The following KIRREL3 variants were observed in gnomAD, a reference collection of about 807,000 sequenced individuals.
The protein encoded by KIRREL3 is kin of IRRE-like protein 3.
In KIRREL3, 36 loss-of-function variants were observed where a neutral mutation model predicts 89.7. The ratio of observed to expected loss-of-function variants is 0.40; its 90% CI spans 0.31 to 0.53. KIRREL3 has a LOEUF of 0.53. KIRREL3 is among the 20% of genes least tolerant of loss of function. KIRREL3 has a pLI of 0.49. For missense variants in KIRREL3, 864 were observed against 1,056.6 expected (o/e 0.82, Z 2.53); for synonymous variants, 445 against 441.4 (o/e 1.01, Z -0.10).
rs1943635527 is a variant in KIRREL3, at chr11:126,623,017, T to C, written c.56-60105A>G. Among the ~76,000 whole-genome samples, 1 of 152,198 alleles carries C rather than the reference T, an allele frequency of 6.6e-6. No homozygotes were observed. The highest frequency in any genetic ancestry group is 1.5e-5 in the Non-Finnish European group (1 of 68,040). On this transcript the variant is annotated intron_variant, in intron 1 of 16. Transcript: ENST00000525144. This position sits in a 1 kb window ranked among gnomAD's most constrained non-coding sequence, Gnocchi z 4.1. ...AATTCAAACCCAGGCAATCTGATGC[T>C]CAGAACCTAGACTCTTAATTACACT...
intron 1 of KIRREL3, among the ~76,000 whole-genome samples, chr11:126,949,646 G>A (rs76974460): frequency 0.073 from 11,096 of 152,290 alleles, 556 homozygotes; most frequent in Middle Eastern, 0.18. Context: ...AGACAAATCG[G>A]AATCCTCTTC....
chr11:126,952,086 A>G (rs915868424), intron 1 of KIRREL3, among the ~76,000 whole-genome samples: 1 of 152,238 alleles, frequency 6.6e-6, no homozygotes, highest in African/African-American at 2.4e-5. Flanking sequence ...ATGAGGGCTT[A>G]AGAATAAATA....
At chr11:126,543,972 G>C (rs1024686242) in intron 2 of KIRREL3, 4 of 152,640 alleles carry the variant, frequency 2.6e-5, no homozygotes, top group African/African-American at 9.6e-5. Context: ...GGACCAGCCG[G>C]TACCTGCTAG....
At position 126,475,201 on chromosome 11, in the gene KIRREL3, G is replaced by C. The variant is rs76672855; in HGVS notation, c.434-1735C>G. 2.6e-5 allele frequency among the ~76,000 whole-genome samples: 4 copies of C among 152,322 alleles called. No individual in the cohort carries two copies. In the East Asian group the frequency reaches 7.7e-4, roughly 29 times the overall value. ...CTTCTATGCAGGCTCTGTGCTCGGGGCTCTGGGCTGGAGAAGTTCAGAGCT... is the reference window on the plus strand; with the variant it reads ...CTTCTATGCAGGCTCTGTGCTCGGGCCTCTGGGCTGGAGAAGTTCAGAGCT... On this transcript the variant is annotated intron_variant, in intron 4 of 16. Transcript: ENST00000525144. This position sits in a 1 kb window ranked among gnomAD's most constrained non-coding sequence, Gnocchi z 7.5.
chr11:126,791,196 G>A lies in KIRREL3; in HGVS notation c.55+209259C>T, dbSNP rs1472993777. Among the ~76,000 whole-genome samples the A allele has an allele frequency of 6.6e-6, 1 of 152,178 alleles. No individual in the cohort carries two copies. The highest frequency in any genetic ancestry group is 1.5e-5 in the Non-Finnish European group (1 of 68,026). ...CTTCAGAAGAAAAGTCTGTGTTTAGGAAACCTCTTATTGAGGAAAGAGTAC... is the reference window on the plus strand; with the variant it reads ...CTTCAGAAGAAAAGTCTGTGTTTAGAAAACCTCTTATTGAGGAAAGAGTAC... On this transcript the variant is annotated intron_variant, in intron 1 of 16. Transcript: ENST00000525144. This position sits in a 1 kb window ranked among gnomAD's most constrained non-coding sequence, Gnocchi z 4.8.
At position 126,769,486 on chromosome 11, in the gene KIRREL3, G is replaced by C. The variant is rs529307336; in HGVS notation, c.56-206574C>G. 2.6e-5 allele frequency among the ~76,000 whole-genome samples: 4 copies of C among 152,246 alleles called. No individual in the cohort carries two copies. Among genetic ancestry groups the C allele is most frequent in the South Asian group, 2.1e-4 (1 of 4,820 alleles). The stretch of plus-strand genomic sequence containing the variant: ...CTCCCCGTGAAAACCGTGCACTCCT[G>C]TCTTCTCTCTAACAGTTAATGAGAA... On this transcript the variant is annotated intron_variant, in intron 1 of 16. Coordinates refer to ENST00000525144, the MANE Select transcript of KIRREL3 (RefSeq NM_032531.4). This position sits in a 1 kb window ranked among gnomAD's most constrained non-coding sequence, Gnocchi z 4.3.
rs921105252 is a variant in KIRREL3, at chr11:126,817,057, C to T, written c.55+183398G>A. ...ATAGAGCTAAGGTAAAGAGCATGTA[C>T]TTGTAGGCTTGCAGGGAGAAAAATA... On this transcript the variant is annotated intron_variant, in intron 1 of 16. Transcript: ENST00000525144. This position sits in a 1 kb window ranked among gnomAD's most constrained non-coding sequence, Gnocchi z 5.7. 6.6e-6 allele frequency among the ~76,000 whole-genome samples: 1 copy of T among 152,120 alleles called. No homozygotes were observed. The highest frequency in any genetic ancestry group is 2.4e-5 in the African/African-American group (1 of 41,428).
chr11:126,613,755 T>C (rs1007509096), intron 1 of KIRREL3, among the ~76,000 whole-genome samples: 1 of 152,146 alleles, frequency 6.6e-6, no homozygotes, highest in African/African-American at 2.4e-5. Flanking sequence ...TCGATGTGCA[T>C]TTATTAAAAT....
intron 1 of KIRREL3, among the ~76,000 whole-genome samples, chr11:126,648,896 G>T (rs1478915865): frequency 1.3e-5 from 2 of 152,184 alleles, no homozygotes; most frequent in Non-Finnish European, 2.9e-5. Flanking sequence ...GGTGTGTCAT[G>T]TTGGAAAATG....
intron 1 of KIRREL3, among the ~76,000 whole-genome samples, chr11:126,975,378 G>T (rs1217549566): frequency 6.6e-6 from 1 of 152,140 alleles, no homozygotes; most frequent in Non-Finnish European, 1.5e-5. Flanking sequence ...TGTTCACAAA[G>T]CTTTCATTCT....
rs1238700583 is a variant in KIRREL3 at position 126,844,590 on chromosome 11, C to T, written c.55+155865G>A. The stretch of plus-strand genomic sequence containing the variant: ...GGCTCCTCTCCATAAAAGGCAAGGA[C>T]ACTTGACCGAACTTGAGTTTGAGGC... On this transcript the variant is annotated intron_variant, in intron 1 of 16. Transcript: ENST00000525144. This position sits in a 1 kb window ranked among gnomAD's most constrained non-coding sequence, Gnocchi z 4.8. Among the ~76,000 whole-genome samples the T allele has an allele frequency of 1.3e-5, 2 of 152,092 alleles. No individual in the cohort carries two copies. The highest frequency in any genetic ancestry group is 4.8e-5 in the African/African-American group (2 of 41,424).
At chr11:126,467,244 C>A (rs1020506089) in intron 5 of KIRREL3, among the ~76,000 whole-genome samples, 1 of 152,184 alleles carries the variant, frequency 6.6e-6, no homozygotes, top group African/African-American at 2.4e-5. Context: ...GGCTGTGCAC[C>A]CACCCCCACT....
At chr11:126,626,814 C>T (rs774393673) in intron 1 of KIRREL3, among the ~76,000 whole-genome samples, 13 of 152,044 alleles carry the variant, frequency 8.6e-5, no homozygotes, top group East Asian at 1.9e-4. Context: ...GCCAACATGG[C>T]GAAACCCCAT....
intron 1 of KIRREL3, among the ~76,000 whole-genome samples, chr11:126,592,938 T>C (rs879910171): frequency 2.6e-5 from 4 of 151,386 alleles, no homozygotes; most frequent in Non-Finnish European, 5.9e-5. Flanking sequence ...CTTTCTTTCC[T>C]GTGAGGGGGC....
In KIRREL3 at chr11:126,537,736, C is replaced by G. The variant is rs766459693; in HGVS notation, c.134-11049G>C. 6.6e-6 allele frequency among the ~76,000 whole-genome samples: 1 copy of G among 152,188 alleles called. No individual in the cohort carries two copies. Among genetic ancestry groups the G allele is most frequent in the Non-Finnish European group, 1.5e-5 (1 of 68,034 alleles). Reference sequence around the variant, plus strand: ...TCTGAAAAATGGGGATGACACGCCTCCCTGGCAAAGCTGCTGTGAGCATGA... The same window carrying G: ...TCTGAAAAATGGGGATGACACGCCTGCCTGGCAAAGCTGCTGTGAGCATGA... On this transcript the variant is annotated intron_variant, in intron 2 of 16. Transcript: ENST00000525144. This position sits in a 1 kb window ranked among gnomAD's most constrained non-coding sequence, Gnocchi z 4.3.
rs1955022486 is a variant in KIRREL3, at chr11:126,428,634, G to A, written c.1806+545C>T. 6.6e-6 allele frequency among the ~76,000 whole-genome samples: 1 copy of A among 151,962 alleles called. No individual in the cohort carries two copies. The highest frequency in any genetic ancestry group is 6.6e-5 in the Admixed American group (1 of 15,244). On this transcript the variant is annotated intron_variant, in intron 15 of 16. Coordinates refer to ENST00000525144, the MANE Select transcript of KIRREL3 (RefSeq NM_032531.4). This position sits in a 1 kb window ranked among gnomAD's most constrained non-coding sequence, Gnocchi z 6.4. ...TACTGAAGAGCCAGGCTCTCTGAAG[G>A]GTAGACTGCATTTTTGTTGTTGTTG...
intron 1 of KIRREL3, among the ~76,000 whole-genome samples, chr11:126,660,861 C>T (rs1945367533): frequency 1.3e-5 from 2 of 152,174 alleles, no homozygotes; most frequent in Non-Finnish European, 2.9e-5. Context: ...ACCATCCTGG[C>T]AGCTATAGGG....
At chr11:126,621,474 T>C (rs1277727189) in intron 1 of KIRREL3, among the ~76,000 whole-genome samples, 1 of 152,244 alleles carries the variant, frequency 6.6e-6, no homozygotes, top group Non-Finnish European at 1.5e-5. Context: ...GATAGCCTAA[T>C]GGTAAGTGAT....
chr11:126,445,521 C>T (rs1955754744), intron 9 of KIRREL3, among the ~76,000 whole-genome samples: 1 of 152,306 alleles, frequency 6.6e-6, no homozygotes, highest in Non-Finnish European at 1.5e-5. Context: ...TCTCTGGGGG[C>T]TCCTGGACCT....
Sources: allele counts gnomAD v4.1 joint callset (sites outside exome capture counted in the v4.1 genomes callset), GRCh38; gene constraint gnomAD v4.1.1; non-coding constraint Gnocchi (gnomAD v3.1); transcripts MANE v1.5; gene names NCBI Gene and HGNC (gene_info 2026-07-23, HGNC 2026-07-21).